The following CAMTA1 variants were observed in gnomAD, a reference collection of about 807,000 sequenced individuals.
CAMTA1 encodes calmodulin binding transcription activator 1.
Under a neutral mutation model 170.9 loss-of-function variants are expected in CAMTA1, and 27 were observed. The ratio of observed to expected loss-of-function variants is 0.16; its 90% CI spans 0.12 to 0.22. The LOEUF is 0.22. Ranked by LOEUF, CAMTA1 falls within the 10% of genes least tolerant of loss-of-function variation. CAMTA1 has a pLI of 1.00. For synonymous variants in CAMTA1, 833 were observed against 891.5 expected (o/e 0.93, Z 1.17); for missense variants, 1,619 against 2,217.2 (o/e 0.73, Z 5.42).
intron 3 of CAMTA1, among the ~76,000 whole-genome samples, chr1:6,883,706 G>C (rs1289783441): frequency 1.3e-5 from 2 of 152,092 alleles, no homozygotes; most frequent in Admixed American, 6.5e-5. Flanking sequence ...AGAGTAGATA[G>C]AGGGCTTGAA....
intron 4 of CAMTA1, among the ~76,000 whole-genome samples, chr1:7,184,191 G>A (rs1652793704): frequency 2.0e-5 from 3 of 152,092 alleles, no homozygotes; most frequent in East Asian, 3.9e-4. Context: ...ACAATTGAAC[G>A]CATGGAGATA....
At chr1:7,329,040 C>T (rs2082866918) in intron 5 of CAMTA1, among the ~76,000 whole-genome samples, 1 of 152,082 alleles carries the variant, frequency 6.6e-6, no homozygotes, top group Non-Finnish European at 1.5e-5. Context: ...AAAAGCTGCA[C>T]CAGAGACAAA....
Position 7,435,315 on chromosome 1 carries a change from T to C in CAMTA1, c.439-32515T>C, listed in dbSNP as rs1179420101. On this transcript the variant is annotated intron_variant, in intron 5 of 22. Transcript: ENST00000303635. This position sits in a 1 kb window ranked among gnomAD's most constrained non-coding sequence, Gnocchi z 4.4. Reference sequence around the variant, plus strand: ...GGCCCCAGGCTGCCTTTATTCTCACTGTCTCAGGCATGAACTCAGGCCAGA... The same window carrying C: ...GGCCCCAGGCTGCCTTTATTCTCACCGTCTCAGGCATGAACTCAGGCCAGA... 6.6e-6 allele frequency among the ~76,000 whole-genome samples: 1 copy of C among 152,176 alleles called. No homozygotes were observed. The highest frequency in any genetic ancestry group is 1.5e-5 in the Non-Finnish European group (1 of 68,026).
At position 7,113,315 on chromosome 1, in the gene CAMTA1, G is replaced by C. The variant is rs1160687601; in HGVS notation, c.302+21944G>C. ...CATGTGGGCTTGGGTTGGCCTTCCC[G>C]TATGTTTGCTTGGCCACGTGCCTGT... On this transcript the variant is annotated intron_variant, in intron 4 of 22. Coordinates refer to ENST00000303635, the MANE Select transcript of CAMTA1 (RefSeq NM_015215.4). The surrounding 1 kb of genome is among the most constrained non-coding windows in gnomAD (Gnocchi z 4.5). 6.6e-6 allele frequency among the ~76,000 whole-genome samples: 1 copy of C among 152,192 alleles called. No homozygotes were observed. The highest frequency in any genetic ancestry group is 6.5e-5 in the Admixed American group (1 of 15,280).
chr1:6,963,450 G>T (rs909559917), intron 3 of CAMTA1, among the ~76,000 whole-genome samples: 2 of 151,936 alleles, frequency 1.3e-5, no homozygotes, highest in Non-Finnish European at 2.9e-5. Flanking sequence ...CGGCAAGCGT[G>T]ATTTATAGGC....
intron 4 of CAMTA1, among the ~76,000 whole-genome samples, chr1:7,191,674 C>T (rs1283038398): frequency 6.6e-6 from 1 of 152,114 alleles, no homozygotes; most frequent in East Asian, 1.9e-4. Context: ...TAATTTTCTC[C>T]ACATCTGGTA....
At chr1:7,523,942 C>A (rs903065423) in intron 6 of CAMTA1, among the ~76,000 whole-genome samples, 1 of 151,780 alleles carries the variant, frequency 6.6e-6, no homozygotes, top group Non-Finnish European at 1.5e-5. Flanking sequence ...GTGGCTCATG[C>A]CTGTAATCCC....
At chr1:6,785,730 T>TG (rs1003622983) in intron 1 of CAMTA1, among the ~76,000 whole-genome samples, 155 bp downstream of exon 1, 7 of 26,784 alleles carry the variant, frequency 2.6e-4, no homozygotes, top group Admixed American at 1.6e-3. Context: ...GCCGGCGGGG[T>TG]GGGGGGGCGG....
intron 11 of CAMTA1, among the ~76,000 whole-genome samples, chr1:7,683,181 CAA>C (rs34814185): frequency 4.4e-4 from 39 of 89,456 alleles, no homozygotes; most frequent in Admixed American, 3.7e-4. Flanking sequence ...GACTCTGTCT[CAA>C]AAAAAAAAAA....
Position 7,663,664 on chromosome 1 carries a change from G to A in CAMTA1, c.1117G>A (p.Val373Met). ...CGGGCTCAACAGCGACCCGGACATG[G>A]TGGACAGCCCGGTGGTCACAGGTGT... ...SSGLNSDPDM[V>M]DSPVVTGVSG... Residue 373 changes from valine to methionine, a missense_variant, in exon 9 of 23, where the codon GTG becomes ATG. Physicochemically the swap from Val to Met is conservative, Grantham distance 21. Around this residue, in one of 8 missense-constraint regions of CAMTA1, gnomAD observed 731 missense variants for 907.6 expected, o/e 0.81. Coordinates refer to ENST00000303635, the MANE Select transcript of CAMTA1 (RefSeq NM_015215.4). 1 of 1,614,180 alleles carries A rather than the reference G, an allele frequency of 6.2e-7. No individual in the cohort carries two copies. Among genetic ancestry groups the A allele is most frequent in the Non-Finnish European group, 8.5e-7 (1 of 1,180,042 alleles).
intron 1 of CAMTA1, among the ~76,000 whole-genome samples, chr1:6,814,444 C>G (rs1044317784): frequency 2.6e-5 from 4 of 152,136 alleles, no homozygotes; most frequent in Non-Finnish European, 5.9e-5. Context: ...GGGTATCATG[C>G]CTTTTCCTTA....
In CAMTA1 at chr1:6,974,650, C is replaced by T. The variant is rs547814219; in HGVS notation, c.235-116654C>T. On this transcript the variant is annotated intron_variant, in intron 3 of 22. Transcript: ENST00000303635. Reference sequence around the variant, plus strand: ...GAGGGAGTCTTTGAGGAAGCCGACTCCTCTTACCTGCCGCACGGACGTCCT... The same window carrying T: ...GAGGGAGTCTTTGAGGAAGCCGACTTCTCTTACCTGCCGCACGGACGTCCT... Among the ~76,000 whole-genome samples, 5 of 152,280 alleles carry T rather than the reference C, an allele frequency of 3.3e-5. No individual in the cohort carries two copies. The East Asian group carries it at 5.8e-4, about 18-fold the overall frequency.
At chr1:7,442,664 C>A (rs1447814610) in intron 5 of CAMTA1, among the ~76,000 whole-genome samples, 1 of 152,190 alleles carries the variant, frequency 6.6e-6, no homozygotes, top group Non-Finnish European at 1.5e-5. Flanking sequence ...GGCTGAGGTT[C>A]TCAATCTCCC....
intron 1 of CAMTA1, among the ~76,000 whole-genome samples, chr1:6,811,776 G>C (rs1557603788): frequency 6.6e-6 from 1 of 152,210 alleles, no homozygotes; most frequent in Non-Finnish European, 1.5e-5. Flanking sequence ...TTCTGGCTGT[G>C]TTCGGATTAA....
At chr1:7,231,898 C>G (rs1662904523) in intron 4 of CAMTA1, among the ~76,000 whole-genome samples, 1 of 152,228 alleles carries the variant, frequency 6.6e-6, no homozygotes, top group Non-Finnish European at 1.5e-5. Context: ...ATGGCCTCTG[C>G]CCTCACAGAG....
intron 6 of CAMTA1, among the ~76,000 whole-genome samples, chr1:7,481,472 C>T (rs2093533293): frequency 6.6e-6 from 1 of 152,168 alleles, no homozygotes; most frequent in Non-Finnish European, 1.5e-5. Context: ...TTCAGGTCTC[C>T]TTTCAACTTT....
chr1:7,156,410 G>C (rs534059369), intron 4 of CAMTA1, among the ~76,000 whole-genome samples: 1 of 152,196 alleles, frequency 6.6e-6, no homozygotes, highest in Admixed American at 6.5e-5. Context: ...AGACATGTGG[G>C]ATCAGAGAGA....
chr1:7,343,506 C>T (rs1557553793), intron 5 of CAMTA1, among the ~76,000 whole-genome samples: 1 of 152,188 alleles, frequency 6.6e-6, no homozygotes, highest in Non-Finnish European at 1.5e-5. Context: ...GTTCATGACA[C>T]ACTATTGTTG....
chr1:7,137,663 G>A lies in CAMTA1; in HGVS notation c.302+46292G>A, dbSNP rs370006110. Reference sequence around the variant, plus strand: ...AGCTTGAACCCTGCACTCCTGCCTCGGAGCTTTGGCACTTCCTGCTTCCTC... The same window carrying A: ...AGCTTGAACCCTGCACTCCTGCCTCAGAGCTTTGGCACTTCCTGCTTCCTC... On this transcript the variant is annotated intron_variant, in intron 4 of 22. Transcript: ENST00000303635. Among the ~76,000 whole-genome samples the A allele has an allele frequency of 5.9e-5, 9 of 152,216 alleles. No homozygotes were observed. In the South Asian group the frequency reaches 8.3e-4, roughly 14 times the overall value.
Sources: allele counts gnomAD v4.1 joint callset (sites outside exome capture counted in the v4.1 genomes callset), GRCh38; gene constraint gnomAD v4.1.1; regional missense constraint gnomAD v4.1.1; non-coding constraint Gnocchi (gnomAD v3.1); transcripts MANE v1.5; gene names NCBI Gene and HGNC (gene_info 2026-07-23, HGNC 2026-07-21).